PSMG4: variants seen among roughly 807,000 people sequenced by gnomAD.
PSMG4 encodes the protein proteasome assembly chaperone 4, also known as proteasome (prosome, macropain) assembly chaperone 4.
PSMG4 carries 10 observed loss-of-function variants against 11.0 expected under a neutral mutation model. The ratio of observed to expected loss-of-function variants is 0.91; its 90% confidence interval spans 0.56 to 1.54. PSMG4 has a LOEUF of 1.54. Among genes scored for constraint, PSMG4 ranks in the 40% most tolerant of loss-of-function variants. PSMG4 has a pLI of 0.00. For missense variants in PSMG4, 198 were observed against 160.9 expected (o/e 1.23, Z -1.25); for synonymous variants, 95 against 71.3 (o/e 1.33, Z -1.68).
chr6:3,258,854 A>G (rs1159078268), upstream of PSMG4: 1 of 589,224 alleles, frequency 1.7e-6, no homozygotes. Context: ...CCACGCCCCC[A>G]ACCCAAGCCC....
chr6:3,263,311 G>A lies in PSMG4; in HGVS notation c.175-373G>A, dbSNP rs150260125. Among the ~76,000 whole-genome samples, 508 of 152,374 alleles carry A rather than the reference G, an allele frequency of 3.3e-3. 1 individual carries two copies. The highest frequency in any genetic ancestry group is 0.011 in the African/African-American group (477 of 41,584). On this transcript the variant is annotated intron_variant, in intron 1 of 2. Transcript: ENST00000438998. ...CGAGGCACCAGTGCACAGGTGCCCC[G>A]ACTGTGAGTCACTTTCTTCTTGCTG...
upstream of PSMG4, chr6:3,255,283 A>G (rs908535239): frequency 8.5e-6 from 13 of 1,534,828 alleles, no homozygotes; most frequent in Admixed American, 7.9e-5. Flanking sequence ...TTACGGGTCT[A>G]TCGGTGCCCA....
chr6:3,267,262 C>G (rs983379415), intron 2 of PSMG4: 2 of 230,880 alleles, frequency 8.7e-6, no homozygotes, highest in African/African-American at 4.5e-5. Context: ...AGGATCTGTT[C>G]CAGCAGACAG....
chr6:3,254,932 T>C (rs751946777), upstream of PSMG4: 24 of 1,162,792 alleles, frequency 2.1e-5, no homozygotes, highest in Non-Finnish European at 2.4e-5. Context: ...AGCCATTCTC[T>C]CACTGGGTGT....
Position 3,267,935 on chromosome 6 carries a change from G to C in PSMG4, c.*223G>C, listed in dbSNP as rs1758259348. 1 of 404,460 alleles carries C rather than the reference G, an allele frequency of 2.5e-6. No homozygotes were observed. Among genetic ancestry groups the C allele is most frequent in the South Asian group, 3.5e-5 (1 of 28,878 alleles). 25.1% of individuals were successfully genotyped at this position (404,460 alleles called of 1,614,324 possible). A position where few individuals can be genotyped will look rare whatever the true frequency, so the allele number is the denominator to read the frequency against. ...TATACTTCCTCATTTGGCTGTGAGT[G>C]ATAGAGGGATGAAATGGGATTTTTG... On this transcript the variant is annotated 3_prime_UTR_variant, in exon 3 of 3. Transcript: ENST00000438998.
At chr6:3,254,465 C>G (rs902400485), upstream of PSMG4, among the ~76,000 whole-genome samples, 28 of 150,930 alleles carry the variant, frequency 1.9e-4, no homozygotes, top group East Asian at 1.4e-3. Flanking sequence ...TTTTGTGTGT[C>G]TTTTTAGATA....
chr6:3,266,496 G>A (rs1015915542), intron 2 of PSMG4: 2 of 152,184 alleles, frequency 1.3e-5, no homozygotes, highest in African/African-American at 2.4e-5. Context: ...CTGGCCCTGC[G>A]TATGGGTGAG....
chr6:3,254,538 A>G (rs1196906749), upstream of PSMG4, among the ~76,000 whole-genome samples: 6 of 151,640 alleles, frequency 4.0e-5, no homozygotes, highest in African/African-American at 1.5e-4. Context: ...AATTATCTGG[A>G]AGGTGTGCAG....
intron 2 of PSMG4, chr6:3,264,189 C>T (rs777695878): frequency 6.4e-7 from 1 of 1,551,332 alleles, no homozygotes; most frequent in South Asian, 1.2e-5. Context: ...ACTGTCCTCA[C>T]TCAGTGTGAT....
chr6:3,259,012 C>A lies in PSMG4; in HGVS notation c.-11C>A, dbSNP rs1020565524. The A allele has an allele frequency of 1.6e-6, 2 of 1,243,224 alleles. No homozygotes were observed. The highest frequency in any genetic ancestry group is 2.0e-6 in the Non-Finnish European group (2 of 992,852). The allele number at this position is 1,243,224 out of a possible 1,614,324, so 77.0% of individuals were successfully genotyped here. On this transcript the variant is annotated 5_prime_UTR_variant, in exon 1 of 3. Transcript: ENST00000438998. ...GGGTCTGGCGCTGTGGGCCGGGAGC[C>A]GTGGGGCGGCATGGAGGGGCTGGTT...
At chr6:3,255,062 C>CT (rs1757707717), upstream of PSMG4, 4 of 1,550,820 alleles carry the variant, frequency 2.6e-6, no homozygotes, top group Non-Finnish European at 3.5e-6. Flanking sequence ...AACAAACACA[C>CT]TTGGAATATG....
At chr6:3,259,634 C>T (rs1203116129) in intron 1 of PSMG4, among the ~76,000 whole-genome samples, 1 of 152,222 alleles carries the variant, frequency 6.6e-6, no homozygotes, top group African/African-American at 2.4e-5. Flanking sequence ...GCTCCCTCCT[C>T]CGCCTGACTG....
chr6:3,255,560 C>T (rs80243964), upstream of PSMG4, among the ~76,000 whole-genome samples: 5 of 152,304 alleles, frequency 3.3e-5, no homozygotes, highest in African/African-American at 1.2e-4. Flanking sequence ...GGCTGCTGTT[C>T]TGTTTACATG....
At chr6:3,259,323 C>G in intron 1 of PSMG4, 127 bp downstream of exon 1, 6 of 897,936 alleles carry the variant, frequency 6.7e-6, no homozygotes, top group Non-Finnish European at 8.7e-6. Flanking sequence ...GAAGCCCACC[C>G]GTGGGATGTC....
At chr6:3,256,364 C>T (rs188368006), upstream of PSMG4, among the ~76,000 whole-genome samples, 102 of 152,310 alleles carry the variant, frequency 6.7e-4, no homozygotes, top group African/African-American at 2.2e-3. Flanking sequence ...CGAGGACTCC[C>T]TTTATTTTCT....
upstream of PSMG4, among the ~76,000 whole-genome samples, chr6:3,257,887 A>AGTT: frequency 1.3e-5 from 2 of 152,248 alleles, no homozygotes; most frequent in Non-Finnish European, 2.9e-5. Flanking sequence ...AAAGCTGTTA[A>AGTT]AATATTGACC....
rs576845358 is a variant in PSMG4, at chr6:3,262,152, C to T, written c.175-1532C>T. 3.3e-4 allele frequency among the ~76,000 whole-genome samples: 50 copies of T among 152,184 alleles called. 1 individual carries two copies. Among genetic ancestry groups the T allele is most frequent in the Non-Finnish European group, 1.3e-4 (9 of 68,026 alleles). The stretch of plus-strand genomic sequence containing the variant: ...GGCCTGGGACCTGGGCCCGTGCCTG[C>T]TCAGGGATTCTTGGACCCCCCGCCC... On this transcript the variant is annotated intron_variant, in intron 1 of 2. Coordinates refer to ENST00000438998, the MANE Select transcript of PSMG4 (RefSeq NM_001128591.2).
intron 1 of PSMG4, among the ~76,000 whole-genome samples, chr6:3,260,522 C>T (rs1425262368): frequency 6.6e-6 from 1 of 151,840 alleles, no homozygotes; most frequent in African/African-American, 2.4e-5. Context: ...ATTCTGACCT[C>T]GTGATCCGCC....
At chr6:3,255,129 A>C, upstream of PSMG4, 1 of 1,551,084 alleles carries the variant, frequency 6.4e-7, no homozygotes, top group Non-Finnish European at 8.7e-7. Context: ...CTTACCACGT[A>C]TTGGTCATTC....
Sources: allele counts gnomAD v4.1 joint callset (sites outside exome capture counted in the v4.1 genomes callset), GRCh38; gene constraint gnomAD v4.1.1; transcripts MANE v1.5; gene names NCBI Gene and HGNC (gene_info 2026-07-23, HGNC 2026-07-21).